The following WDR19 variants were observed in gnomAD, a reference collection of about 807,000 sequenced individuals.
WDR19 encodes the protein WD repeat-containing protein 19.
WDR19 carries 121 observed loss-of-function variants against 180.0 expected under a neutral mutation model. That is an observed-to-expected ratio of 0.67 (90% CI 0.58 to 0.78). The LOEUF is 0.78. WDR19 is among the 30% of genes least tolerant of loss of function. The pLI, the probability that WDR19 is intolerant of heterozygous loss-of-function variation, is 0.00. For synonymous variants in WDR19, 497 were observed against 540.7 expected, an observed-to-expected ratio of 0.92 and a Z score of 1.12; for missense variants, 1,450 against 1,640.7, an observed-to-expected ratio of 0.88 and a Z score of 2.01.
chr4:39,275,339 CAA>C (rs1225402757), intron 33 of WDR19: 2,374 of 105,580 alleles, frequency 0.022, no homozygotes, highest in South Asian at 0.049. Flanking sequence ...GACCCCATCT[CAA>C]AAAAAAAAAA....
At chr4:39,271,177 G>T (rs576343941) in intron 31 of WDR19, among the ~76,000 whole-genome samples, 310 of 152,302 alleles carry the variant, frequency 2.0e-3, no homozygotes, top group Non-Finnish European at 3.5e-3. Flanking sequence ...GATTACAGGC[G>T]TGAGCCACTG....
chr4:39,266,117 G>T lies in WDR19; in HGVS notation c.3238G>T (p.Gly1080Trp). 6.4e-7 allele frequency: 1 copy of T among 1,563,652 alleles called. No individual in the cohort carries two copies. The highest frequency in any genetic ancestry group is 1.2e-5 in the South Asian group (1 of 84,458). Reference protein sequence around the residue: ...LTNQLIDHLLGENDGMPKDAK... With the variant: ...LTNQLIDHLLWENDGMPKDAK... The stretch of plus-strand genomic sequence containing the variant: ...CAATCAGCTGATAGACCATCTCCTG[G>T]GGGAGAACGATGGCATGCCTAAGGT... Residue 1080 changes from glycine to tryptophan, a missense_variant, in exon 29 of 37, where the codon GGG becomes TGG. Transcript: ENST00000399820.
chr4:39,231,573 A>G (rs1196877394), intron 17 of WDR19, among the ~76,000 whole-genome samples: 1 of 152,240 alleles, frequency 6.6e-6, no homozygotes, highest in Non-Finnish European at 1.5e-5. Context: ...GGCTTATTAC[A>G]GAGTAGATTC....
intron 16 of WDR19, 52 bp downstream of exon 16, chr4:39,228,409 G>A: frequency 1.2e-6 from 2 of 1,602,170 alleles, no homozygotes; most frequent in South Asian, 1.1e-5. Context: ...TCCCATTGCA[G>A]TAAAATTAAA....
At chr4:39,183,234 G>A (rs1725138686) in intron 1 of WDR19, among the ~76,000 whole-genome samples, 3 of 140,878 alleles carry the variant, frequency 2.1e-5, no homozygotes, top group Admixed American at 2.1e-4. Flanking sequence ...CTCTGCTCTG[G>A]CAAAGAAATG....
chr4:39,200,236 T>C (rs1208380660), intron 6 of WDR19, among the ~76,000 whole-genome samples: 1 of 152,250 alleles, frequency 6.6e-6, no homozygotes, highest in African/African-American at 2.4e-5. Context: ...CTATATACTA[T>C]AGAAAGAATA....
intron 6 of WDR19, among the ~76,000 whole-genome samples, chr4:39,200,757 A>G (rs1234944542): frequency 6.6e-6 from 1 of 152,212 alleles, no homozygotes; most frequent in Non-Finnish European, 1.5e-5. Context: ...TAGGGCAGGG[A>G]TGGGGACCAC....
Position 39,216,339 on chromosome 4 carries a change from A to G in WDR19, c.1249+129A>G. On this transcript the variant is annotated intron_variant, in intron 12 of 36. Coordinates refer to ENST00000399820, the MANE Select transcript of WDR19 (RefSeq NM_025132.4). ...TATTCACATATCTCATTCTTAGCTT[A>G]AATGGTTTTGTAAGTCTTCTAAAAA... The G allele has an allele frequency of 3.8e-6, 3 of 792,736 alleles. No individual in the cohort carries two copies. In the South Asian group the frequency reaches 5.9e-5, roughly 16 times the overall value. 49.1% of individuals were successfully genotyped at this position (792,736 alleles called of 1,614,324 possible). A position where few individuals can be genotyped will look rare whatever the true frequency, so the allele number is the denominator to read the frequency against.
chr4:39,210,902 C>G (rs1223000970), intron 9 of WDR19, among the ~76,000 whole-genome samples: 2 of 151,652 alleles, frequency 1.3e-5, no homozygotes, highest in African/African-American at 4.8e-5. Context: ...CTTGGGAGGC[C>G]AAGGCGGGAG....
chr4:39,197,866 T>C (rs1167635291), intron 5 of WDR19, among the ~76,000 whole-genome samples: 1 of 152,246 alleles, frequency 6.6e-6, no homozygotes, highest in East Asian at 1.9e-4. Flanking sequence ...AGAGATAAGG[T>C]CTTGCTCTGT....
chr4:39,283,848 TTCTTCTCTG>T (rs1736844204), intron 36 of WDR19, among the ~76,000 whole-genome samples: 2 of 152,214 alleles, frequency 1.3e-5, no homozygotes, highest in Non-Finnish European at 2.9e-5. Context: ...TGCTGGTGAC[TTCTTCTCTG>T]TCTTTATTTT....
intron 33 of WDR19, among the ~76,000 whole-genome samples, chr4:39,275,614 G>C (rs576643392): frequency 1.3e-4 from 20 of 152,232 alleles, no homozygotes; most frequent in African/African-American, 4.6e-4. Flanking sequence ...GAAGAAGTAG[G>C]GAAATGAGAG....
chr4:39,273,354 A>T (rs1299313271), intron 32 of WDR19: 1 of 386,794 alleles, frequency 2.6e-6, no homozygotes, highest in Non-Finnish European at 4.6e-6. Flanking sequence ...GCAGGCACGG[A>T]CCTCCAAGAG....
intron 21 of WDR19, 91 bp from the exon 22 acceptor site, chr4:39,244,157 G>T: frequency 7.1e-7 from 1 of 1,417,586 alleles, no homozygotes. Context: ...ATAACCTTTG[G>T]ACTCATTTTA....
intron 33 of WDR19, 131 bp from the exon 34 acceptor site, chr4:39,276,889 T>C: frequency 8.8e-7 from 1 of 1,134,964 alleles, no homozygotes; most frequent in South Asian, 1.4e-5. Context: ...TGTAAGTATC[T>C]CTCTAAGCCC....
chr4:39,266,819 C>T (rs1241421927), intron 29 of WDR19, among the ~76,000 whole-genome samples: 1 of 152,216 alleles, frequency 6.6e-6, no homozygotes, highest in East Asian at 1.9e-4. Flanking sequence ...CGCGGTGTCT[C>T]ATGCCTGTAA....
In WDR19 at chr4:39,194,534, A is replaced by G. The variant is rs761330154; in HGVS notation, c.291-10A>G. 6.4e-7 allele frequency: 1 copy of G among 1,570,878 alleles called. No homozygotes were observed. Among genetic ancestry groups the G allele is most frequent in the East Asian group, 2.2e-5 (1 of 44,676 alleles). On this transcript the variant is annotated splice_polypyrimidine_tract_variant and intron_variant, in intron 4 of 36. Transcript: ENST00000399820. ...TGAATTGTTTAGTAATTTATATCTT[A>G]ATGTTACAGGGATCAAATGTCTTTC...
chr4:39,205,380 C>T, intron 8 of WDR19, 114 bp downstream of exon 8: 2 of 1,200,396 alleles, frequency 1.7e-6, no homozygotes, highest in South Asian at 1.5e-5. Context: ...CTATACGTCA[C>T]ATTTTCTGAT....
chr4:39,194,178 CT>C (rs1239960239), intron 4 of WDR19, among the ~76,000 whole-genome samples: 1 of 152,128 alleles, frequency 6.6e-6, no homozygotes, highest in Non-Finnish European at 1.5e-5. Flanking sequence ...TTGGGTGCCA[CT>C]TTTTTAAAGT....
Sources: gnomAD v4.1 joint callset for allele counts (sites outside exome capture counted in the v4.1 genomes callset) on GRCh38, gnomAD v4.1.1 for gene constraint, MANE v1.5 for transcripts, NCBI Gene and HGNC (gene_info 2026-07-23, HGNC 2026-07-21) for gene names.